The following COL20A1 variants were observed in gnomAD, a reference collection of about 807,000 sequenced individuals.
COL20A1 encodes collagen alpha-1(XX) chain.
COL20A1 carries 164 observed loss-of-function variants against 152.9 expected under a neutral mutation model. The observed-to-expected ratio is 1.07, with a 90% confidence interval of 0.94 to 1.22. The LOEUF (loss-of-function observed/expected upper bound fraction) is 1.22. Ranked by LOEUF, COL20A1 falls within the 50% of genes most tolerant of loss-of-function variation. COL20A1 has a pLI of 0.00. For missense variants in COL20A1, 1,873 were observed against 1,744.8 expected, an observed-to-expected ratio of 1.07 and a Z score of -1.31; for synonymous variants, 864 against 756.0, an observed-to-expected ratio of 1.14 and a Z score of -2.34.
rs2067751528 is a variant in COL20A1, at chr20:63,294,079, C to T, written c.-11+804C>T. On this transcript the variant is annotated intron_variant, in intron 1 of 35. Transcript: ENST00000358894. ...TGCTTTCTGAAGGCCCGAGTTGGTGCGTGGGGTGAGGGGCTGGCATGAGCA... is the reference window on the plus strand; with the variant it reads ...TGCTTTCTGAAGGCCCGAGTTGGTGTGTGGGGTGAGGGGCTGGCATGAGCA... 1.6e-4 allele frequency among the ~76,000 whole-genome samples: 4 copies of T among 24,526 alleles called. No homozygotes were observed. The South Asian group carries it at 5.5e-3, about 34-fold the overall frequency. The allele number at this position is 24,526 out of a possible 152,430, so 16.1% of individuals were successfully genotyped here.
At chr20:63,323,435 G>A (rs1457838859) in intron 27 of COL20A1, among the ~76,000 whole-genome samples, 1 of 152,230 alleles carries the variant, frequency 6.6e-6, no homozygotes, top group Non-Finnish European at 1.5e-5. Context: ...TATTCCGAGA[G>A]TAGAAATCGC....
chr20:63,318,646 C>G (rs928558698), intron 21 of COL20A1, among the ~76,000 whole-genome samples: 13 of 152,136 alleles, frequency 8.5e-5, no homozygotes, highest in Admixed American at 6.5e-5. Flanking sequence ...CTCACGGGCC[C>G]CGGGAGCACG....
intron 27 of COL20A1, among the ~76,000 whole-genome samples, chr20:63,322,320 C>T (rs530542765): frequency 4.6e-5 from 7 of 152,268 alleles, no homozygotes; most frequent in East Asian, 1.9e-4. Context: ...GCCTGCAGGG[C>T]GCCTGGCCCA....
At chr20:63,322,181 G>A (rs2068174133) in intron 27 of COL20A1, 70 bp downstream of exon 27, 7 of 1,255,494 alleles carry the variant, frequency 5.6e-6, no homozygotes, top group African/African-American at 1.6e-5. Context: ...ACCCCTCCCA[G>A]TGCATTCCTG....
At chr20:63,315,137 G>T (rs1329149337) in intron 19 of COL20A1, among the ~76,000 whole-genome samples, 2 of 152,244 alleles carry the variant, frequency 1.3e-5, no homozygotes, top group Non-Finnish European at 2.9e-5. Flanking sequence ...TGCCTGGTAC[G>T]ACCCGGGGCC....
chr20:63,294,040 G>A (rs968194089), intron 1 of COL20A1, among the ~76,000 whole-genome samples: 7 of 139,444 alleles, frequency 5.0e-5, no homozygotes, highest in Non-Finnish European at 7.8e-5. Context: ...CCGGCCTGCC[G>A]GGAGTGCTCT....
In COL20A1 at chr20:63,305,746, G is replaced by A; in HGVS notation, c.338-135G>A. 1 of 1,120,084 alleles carries A rather than the reference G, an allele frequency of 8.9e-7. No homozygotes were observed. The highest frequency in any genetic ancestry group is 1.3e-6 in the Non-Finnish European group (1 of 783,278). The allele number at this position is 1,120,084 out of a possible 1,614,324, so 69.4% of individuals were successfully genotyped here. A position where few individuals can be genotyped will look rare whatever the true frequency, so the allele number is the denominator to read the frequency against. On this transcript the variant is annotated intron_variant, in intron 4 of 35. Transcript: ENST00000358894. This position sits in a 1 kb window ranked among gnomAD's most constrained non-coding sequence, Gnocchi z 4.9. ...TCACCAGCAAGGCTGCCTTGCCCCT[G>A]ACATCTTTGCATGCCTCCCAGGCTC...
At chr20:63,303,269 C>T (rs1304519183) in intron 3 of COL20A1, among the ~76,000 whole-genome samples, 1 of 152,186 alleles carries the variant, frequency 6.6e-6, no homozygotes, top group Non-Finnish European at 1.5e-5. Context: ...CTATACTGCC[C>T]AGGCTGGACT....
intron 11 of COL20A1, 144 bp downstream of exon 11, chr20:63,310,654 G>A: frequency 3.2e-6 from 3 of 937,052 alleles, no homozygotes; most frequent in Non-Finnish European, 4.7e-6. Flanking sequence ...AGCTTGCTGT[G>A]TGACCAAGGC....
rs375486939 is a variant in COL20A1 at position 63,305,409 on chromosome 20, C to T, written c.194-8C>T. ...TTGGCCTCTAAAGCTCTCCCCACCC[C>T]TACCCAGGGGACTCGGAACAGGAGG... On this transcript the variant is annotated splice_region_variant and splice_polypyrimidine_tract_variant and intron_variant, in intron 3 of 35. Coordinates refer to ENST00000358894, the MANE Select transcript of COL20A1 (RefSeq NM_020882.4). This position sits in a 1 kb window ranked among gnomAD's most constrained non-coding sequence, Gnocchi z 4.9. The T allele has an allele frequency of 2.0e-6, 3 of 1,509,814 alleles. No homozygotes were observed. The highest frequency in any genetic ancestry group is 2.6e-6 in the Non-Finnish European group (3 of 1,132,828). The allele number at this position is 1,509,814 out of a possible 1,614,324, so 93.5% of individuals were successfully genotyped here. A position where few individuals can be genotyped will look rare whatever the true frequency, so the allele number is the denominator to read the frequency against.
Position 63,312,478 on chromosome 20 carries a change from C to G in COL20A1, c.1862C>G (p.Thr621Ser), listed in dbSNP as rs1175365078. 1.2e-6 allele frequency: 2 copies of G among 1,609,034 alleles called. No homozygotes were observed. The highest frequency in any genetic ancestry group is 1.7e-6 in the Non-Finnish European group (2 of 1,178,862). Residue 621 changes from threonine to serine, a missense_variant, in exon 15 of 36, where the codon ACC becomes AGC. By Grantham distance (58) the Thr-to-Ser change is moderately conservative (BLOSUM62 1). Coordinates refer to ENST00000358894, the MANE Select transcript of COL20A1 (RefSeq NM_020882.4). ...CTGGGGCCTCTCTCTTCCTCCACCA[C>G]CTACACTGTCCGTGTCACCTGCCTC... ...ATLGPLSSST[T>S]YTVRVTCLYP...
chr20:63,322,527 G>T (rs911597774), intron 27 of COL20A1, among the ~76,000 whole-genome samples: 3 of 152,194 alleles, frequency 2.0e-5, no homozygotes, highest in Non-Finnish European at 4.4e-5. Flanking sequence ...TAGGCCCACA[G>T]AGTATTTTCA....
intron 1 of COL20A1, among the ~76,000 whole-genome samples, chr20:63,294,535 A>G (rs1050360707): frequency 2.0e-5 from 3 of 151,588 alleles, no homozygotes; most frequent in Admixed American, 1.3e-4. Flanking sequence ...TGCCCGTGGC[A>G]CACACACCCT....
rs1568768665 is a variant in COL20A1 at position 63,306,105 on chromosome 20, C to G, written c.496+66C>G. 7.1e-7 allele frequency: 1 copy of G among 1,412,386 alleles called. No homozygotes were observed. Among genetic ancestry groups the G allele is most frequent in the Admixed American group, 2.2e-5 (1 of 45,128 alleles). 87.5% of individuals were successfully genotyped at this position (1,412,386 alleles called of 1,614,324 possible). A position where few individuals can be genotyped will look rare whatever the true frequency, so the allele number is the denominator to read the frequency against. ...GTGACCTTTGGTTTCCCACATTTCC[C>G]ACCATGAGGCCAGGAAGTTCTTCCT... On this transcript the variant is annotated intron_variant, in intron 5 of 35. Transcript: ENST00000358894. The surrounding 1 kb of genome is among the most constrained non-coding windows in gnomAD (Gnocchi z 6.9).
Position 63,313,603 on chromosome 20 carries a change from C to T in COL20A1, c.2210-140C>T, listed in dbSNP as rs1299623905. The T allele has an allele frequency of 2.3e-5, 19 of 825,388 alleles. No homozygotes were observed. In the East Asian group the frequency reaches 3.3e-4, roughly 14 times the overall value. The allele number at this position is 825,388 out of a possible 1,614,324, so 51.1% of individuals were successfully genotyped here. A position where few individuals can be genotyped will look rare whatever the true frequency, so the allele number is the denominator to read the frequency against. On this transcript the variant is annotated intron_variant, in intron 17 of 35. Transcript: ENST00000358894. This position sits in a 1 kb window ranked among gnomAD's most constrained non-coding sequence, Gnocchi z 5.9. ...GTGTGGTTGTGCCAGGGGGGTGATG[C>T]GGGCTGTGGTAGGGGTGTGGCATGA...
Position 63,308,542 on chromosome 20 carries a change from G to A in COL20A1, c.776G>A (p.Gly259Asp). 9 of 1,593,738 alleles carry A rather than the reference G, an allele frequency of 5.6e-6. No homozygotes were observed. The highest frequency in any genetic ancestry group is 7.7e-6 in the Non-Finnish European group (9 of 1,170,656). ...LRYKGGNTFT[G>D]LALTHVLGQN... ...TCACTTTATTCCTGCTGCTCCCAAG[G>A]CCTTGCCCTGACCCACGTGCTGGGG... The change falls in exon 8 of 36, where the codon GGC becomes GAC. Residue 259 changes from glycine (G) to aspartate (D), a missense_variant and splice_region_variant. Transcript: ENST00000358894.
rs549075460 is a variant in COL20A1 at position 63,311,520 on chromosome 20, G to T, written c.1520G>T (p.Gly507Val). 1 of 1,592,350 alleles carries T rather than the reference G, an allele frequency of 6.3e-7. No homozygotes were observed. The change falls in exon 12 of 36, where the codon GGT becomes GTT. Residue 507 changes from glycine to valine, a missense_variant. Transcript: ENST00000358894. This position sits in a 1 kb window ranked among gnomAD's most constrained non-coding sequence, Gnocchi z 4.4. ...CGATGTTCTCCTGCTTCCCCCAAGGGTGAAGAGGAGGAGCGAGAGGTGAGC... is the reference window on the plus strand; with the variant it reads ...CGATGTTCTCCTGCTTCCCCCAAGGTTGAAGAGGAGGAGCGAGAGGTGAGC... ...LVRCSPASPK[G>V]EEEEREVQVG...
intron 3 of COL20A1, among the ~76,000 whole-genome samples, chr20:63,304,715 G>A (rs1402446168): frequency 4.0e-5 from 6 of 151,636 alleles, no homozygotes; most frequent in Admixed American, 3.3e-4. Flanking sequence ...GCGCAGGTGT[G>A]GGTTCCTCCC....
chr20:63,313,642 T>A lies in COL20A1; in HGVS notation c.2210-101T>A. 1 of 1,164,538 alleles carries A rather than the reference T, an allele frequency of 8.6e-7. No homozygotes were observed. Among genetic ancestry groups the A allele is most frequent in the Admixed American group, 2.9e-5 (1 of 34,514 alleles). 72.1% of individuals were successfully genotyped at this position (1,164,538 alleles called of 1,614,324 possible). A position where few individuals can be genotyped will look rare whatever the true frequency, so the allele number is the denominator to read the frequency against. On this transcript the variant is annotated intron_variant, in intron 17 of 35. Transcript: ENST00000358894. The surrounding 1 kb of genome is among the most constrained non-coding windows in gnomAD (Gnocchi z 5.9). ...GGTGTGGCATGATGTGGTGGAGGCATTACGCAGAGCAGGGTAGGGGCTGGG... is the reference window on the plus strand; with the variant it reads ...GGTGTGGCATGATGTGGTGGAGGCAATACGCAGAGCAGGGTAGGGGCTGGG...
Sources: gnomAD v4.1 joint callset for allele counts (sites outside exome capture counted in the v4.1 genomes callset) on GRCh38, gnomAD v4.1.1 for gene constraint, Gnocchi (gnomAD v3.1) non-coding constraint, MANE v1.5 for transcripts, NCBI Gene and HGNC (gene_info 2026-07-23, HGNC 2026-07-21) for gene names.